CDK14: variants seen among roughly 807,000 people sequenced by gnomAD.
The protein encoded by CDK14 is cyclin-dependent kinase 14.
Under a neutral mutation model 60.7 loss-of-function variants are expected in CDK14, and 34 were observed. That is an observed-to-expected ratio of 0.56 (90% CI 0.43 to 0.75). The LOEUF (loss-of-function observed/expected upper bound fraction) is 0.75, where lower values mean the gene tolerates loss of function less well. CDK14 is among the 30% of genes least tolerant of loss of function. The pLI is 0.00. For missense variants in CDK14, 482 were observed against 564.1 expected, an observed-to-expected ratio of 0.85 and a Z score of 1.47; for synonymous variants, 197 against 203.7, an observed-to-expected ratio of 0.97 and a Z score of 0.28.
At chr7:90,668,725 T>TTTTTTTTTTTTTTTTTTTTTTG (rs1422189915) in intron 2 of CDK14, among the ~76,000 whole-genome samples, 1 of 88,328 alleles carries the variant, frequency 1.1e-5, no homozygotes, top group Admixed American at 1.3e-4. Flanking sequence ...TTTTTTTTTT[T>TTTTTTTTTTTTTTTTTTTTTTG]TCAACTGGGG....
chr7:90,994,752 T>G (rs1475690903), intron 10 of CDK14, among the ~76,000 whole-genome samples: 3 of 152,208 alleles, frequency 2.0e-5, no homozygotes, highest in Non-Finnish European at 4.4e-5. Flanking sequence ...TTGCTCACCC[T>G]TTTTTCTTCC....
At chr7:90,958,359 C>T (rs775057454) in intron 9 of CDK14, among the ~76,000 whole-genome samples, 1 of 152,062 alleles carries the variant, frequency 6.6e-6, no homozygotes, top group Non-Finnish European at 1.5e-5. Context: ...AGTAGAGCTA[C>T]AAGAAAATCA....
intron 9 of CDK14, among the ~76,000 whole-genome samples, chr7:90,975,053 A>C (rs1045875428): frequency 1.3e-5 from 2 of 152,174 alleles, no homozygotes; most frequent in African/African-American, 2.4e-5. Flanking sequence ...TAAATAAATA[A>C]ATTGCAGTTG....
intron 2 of CDK14, among the ~76,000 whole-genome samples, chr7:90,621,323 G>T (rs1274037050): frequency 6.6e-6 from 1 of 152,164 alleles, no homozygotes; most frequent in Admixed American, 6.5e-5. Flanking sequence ...TACTCCATGT[G>T]TCTTGTGTTC....
At chr7:90,794,523 G>C (rs1562773247) in intron 5 of CDK14, among the ~76,000 whole-genome samples, 2 of 152,104 alleles carry the variant, frequency 1.3e-5, no homozygotes, top group Non-Finnish European at 2.9e-5. Flanking sequence ...GATGTTCTTT[G>C]CTGAGAAAAA....
intron 6 of CDK14, among the ~76,000 whole-genome samples, chr7:90,893,538 G>A (rs1227133821): frequency 6.6e-6 from 1 of 152,152 alleles, no homozygotes; most frequent in Non-Finnish European, 1.5e-5. Context: ...GTGCCTTTTG[G>A]CATCATTCTT....
At chr7:90,678,609 G>A (rs1296785660) in intron 2 of CDK14, among the ~76,000 whole-genome samples, 1 of 152,118 alleles carries the variant, frequency 6.6e-6, no homozygotes, top group Admixed American at 6.5e-5. Flanking sequence ...TGTTATTCCG[G>A]TATGTTGTGA....
At chr7:91,114,017 A>T (rs970203939) in intron 13 of CDK14, among the ~76,000 whole-genome samples, 32 of 152,146 alleles carry the variant, frequency 2.1e-4, no homozygotes, top group African/African-American at 6.0e-4. Context: ...AATTTTTTTT[A>T]AATTAAAAAT....
At chr7:90,720,668 A>C (rs1029554267) in intron 2 of CDK14, among the ~76,000 whole-genome samples, 1 of 152,212 alleles carries the variant, frequency 6.6e-6, no homozygotes, top group African/African-American at 2.4e-5. Flanking sequence ...ATATATTACT[A>C]TACTTATTAA....
intron 8 of CDK14, among the ~76,000 whole-genome samples, chr7:90,931,259 T>A (rs1445996807): frequency 6.6e-6 from 1 of 152,210 alleles, no homozygotes; most frequent in African/African-American, 2.4e-5. Context: ...TGCCTTTGAA[T>A]CACTGAGTGC....
intron 2 of CDK14, among the ~76,000 whole-genome samples, chr7:90,651,258 A>G (rs1800633110): frequency 6.6e-6 from 1 of 152,116 alleles, no homozygotes; most frequent in Non-Finnish European, 1.5e-5. Flanking sequence ...TCTAGCCTAT[A>G]GTTTCTTTAG....
At chr7:91,044,098 C>G (rs1353265391) in intron 10 of CDK14, among the ~76,000 whole-genome samples, 2 of 152,182 alleles carry the variant, frequency 1.3e-5, no homozygotes, top group African/African-American at 4.8e-5. Context: ...TGGCCCATGA[C>G]ACAGCCCTCA....
intron 14 of CDK14, among the ~76,000 whole-genome samples, chr7:91,123,551 T>C (rs1799847257): frequency 6.6e-6 from 1 of 152,180 alleles, no homozygotes; most frequent in South Asian, 2.1e-4. Context: ...ATGCATATTA[T>C]GAATATCCAA....
At chr7:90,650,926 T>A (rs931042193) in intron 2 of CDK14, among the ~76,000 whole-genome samples, 1 of 152,298 alleles carries the variant, frequency 6.6e-6, no homozygotes, top group African/African-American at 2.4e-5. Flanking sequence ...CTTAGGATTG[T>A]CTTGGCAATG....
At chr7:90,957,562 A>G (rs13230458) in intron 9 of CDK14, among the ~76,000 whole-genome samples, 36,107 of 151,624 alleles carry the variant, frequency 0.24, 4,506 homozygotes, top group Middle Eastern at 0.32. Context: ...CCAACAACAG[A>G]CAAACAGAGA....
chr7:90,707,230 G>A (rs1271881308), intron 2 of CDK14, among the ~76,000 whole-genome samples: 1 of 152,040 alleles, frequency 6.6e-6, no homozygotes, highest in Non-Finnish European at 1.5e-5. Flanking sequence ...TTCTTCCTGT[G>A]TTCACTGGTT....
Position 91,209,419 on chromosome 7 carries a change from C to G in CDK14, c.*2283C>G, listed in dbSNP as rs1802999580. The G allele has an allele frequency of 6.6e-6, 1 of 151,978 alleles. No individual in the cohort carries two copies. Among genetic ancestry groups the G allele is most frequent in the African/African-American group, 2.4e-5 (1 of 41,294 alleles). 9.4% of individuals were successfully genotyped at this position (151,978 alleles called of 1,614,324 possible). ...TCTCTCTCTCTCTGTCTCTTTCTTT[C>G]TCTTTCTCCCCCCAAACCCCTCTCA... On this transcript the variant is annotated 3_prime_UTR_variant, in exon 15 of 15. Transcript: ENST00000380050.
chr7:91,010,838 TCCCTCCCTCCCTC>T lies in CDK14; in HGVS notation c.1041+26600_1041+26612del, dbSNP rs1562867342. Among the ~76,000 whole-genome samples, 24 of 103,706 alleles carry T rather than the reference TCCCTCCCTCCCTC, an allele frequency of 2.3e-4. No homozygotes were observed. The East Asian group carries it at 2.9e-3, about 13-fold the overall frequency. 68.0% of individuals were successfully genotyped at this position (103,706 alleles called of 152,430 possible). A position where few individuals can be genotyped will look rare whatever the true frequency, so the allele number is the denominator to read the frequency against. ...CTTCCTTCCTTCCTTCCTTCCTCCC[TCCCTCCCTCCCTC>T]CCTCCCTCCCTCCCTCTCTCTCTTT... is the stretch of plus-strand genomic sequence containing the variant. On this transcript the variant is annotated intron_variant, in intron 10 of 14. Transcript: ENST00000380050.
intron 10 of CDK14, among the ~76,000 whole-genome samples, chr7:90,992,300 C>A (rs1376352805): frequency 6.6e-6 from 1 of 152,132 alleles, no homozygotes; most frequent in Non-Finnish European, 1.5e-5. Flanking sequence ...ACTTTTTTTA[C>A]TTCAGTGTTT....
Sources: gnomAD v4.1 joint callset for allele counts (sites outside exome capture counted in the v4.1 genomes callset) on GRCh38, gnomAD v4.1.1 for gene constraint, MANE v1.5 for transcripts, NCBI Gene and HGNC (gene_info 2026-07-23, HGNC 2026-07-21) for gene names.